FLVCR2: variants seen among roughly 807,000 people sequenced by gnomAD.
FLVCR2 encodes choline/ethanolamine transporter FLVCR2.
In FLVCR2, 38 loss-of-function variants were observed where a neutral mutation model predicts 48.9. The ratio of observed to expected loss-of-function variants is 0.78; its 90% CI spans 0.60 to 1.02. FLVCR2 has a LOEUF of 1.02. Ranked by LOEUF, FLVCR2 falls within the 50% of genes least tolerant of loss-of-function variation. The probability of loss-of-function intolerance (pLI) is 0.00; values close to 1 mark genes in which losing one functional copy is unlikely to be tolerated. For missense variants in FLVCR2, 664 were observed against 663.3 expected (o/e 1.00, Z -0.01); for synonymous variants, 255 against 257.0 (o/e 0.99, Z 0.07).
chr14:75,639,829 G>A (rs916914841), intron 6 of FLVCR2, among the ~76,000 whole-genome samples: 2 of 152,156 alleles, frequency 1.3e-5, no homozygotes, highest in Non-Finnish European at 2.9e-5. Context: ...TAGACCATGG[G>A]CACAGCACTT....
chr14:75,601,003 A>G (rs896237757), intron 1 of FLVCR2, among the ~76,000 whole-genome samples: 3 of 152,212 alleles, frequency 2.0e-5, no homozygotes, highest in Non-Finnish European at 4.4e-5. Flanking sequence ...AAAGACACAC[A>G]CACAGAAATA....
At chr14:75,634,409 G>A (rs541404424) in intron 4 of FLVCR2, among the ~76,000 whole-genome samples, 1 of 152,144 alleles carries the variant, frequency 6.6e-6, no homozygotes, top group African/African-American at 2.4e-5. Context: ...TTATGATGGG[G>A]AATGGCGAGG....
At chr14:75,602,364 C>T (rs1339423664) in intron 1 of FLVCR2, among the ~76,000 whole-genome samples, 1 of 152,182 alleles carries the variant, frequency 6.6e-6, no homozygotes, top group Non-Finnish European at 1.5e-5. Flanking sequence ...TTAGCATAAA[C>T]TCCCTGGAGG....
intron 1 of FLVCR2, among the ~76,000 whole-genome samples, chr14:75,597,382 G>A (rs1889050524): frequency 6.6e-6 from 1 of 152,090 alleles, no homozygotes; most frequent in African/African-American, 2.4e-5. Flanking sequence ...TCCTCGAAAA[G>A]CTCTCACCAA....
At chr14:75,592,900 C>T (rs1888921127) in intron 1 of FLVCR2, among the ~76,000 whole-genome samples, 1 of 152,182 alleles carries the variant, frequency 6.6e-6, no homozygotes, top group Admixed American at 6.5e-5. Flanking sequence ...TTTATAAAGC[C>T]CTAAGGCATG....
intron 3 of FLVCR2, chr14:75,632,541 C>T: frequency 1.5e-6 from 1 of 682,930 alleles, no homozygotes; most frequent in Non-Finnish European, 2.7e-6. Flanking sequence ...CCATACCCAC[C>T]TTCCCTTGCA....
chr14:75,640,251 TC>T (rs1408277776), intron 6 of FLVCR2, among the ~76,000 whole-genome samples: 1 of 109,524 alleles, frequency 9.1e-6, no homozygotes, highest in Non-Finnish European at 1.9e-5. Context: ...AGAGTGAGAC[TC>T]CGTCTCAAAA....
Position 75,579,065 on chromosome 14 carries a change from C to T in FLVCR2, c.93C>T (p.Pro31=). The T allele has an allele frequency of 1.2e-6, 2 of 1,613,976 alleles. No homozygotes were observed. The highest frequency in any genetic ancestry group is 1.7e-6 in the Non-Finnish European group (2 of 1,179,902). The change falls in exon 1 of 10, where the codon CCC becomes CCT. Residue 31 remains proline, a synonymous_variant. Coordinates refer to ENST00000238667, the MANE Select transcript of FLVCR2 (RefSeq NM_017791.3). ...LQADPSVSVH[P]SVSVHPSVSI... ...CGGACCCCAGCGTCTCGGTCCATCC[C>T]AGCGTCTCGGTCCATCCCAGCGTCT...
At chr14:75,625,792 G>A (rs1216787254) in intron 3 of FLVCR2, among the ~76,000 whole-genome samples, 1 of 151,972 alleles carries the variant, frequency 6.6e-6, no homozygotes, top group East Asian at 1.9e-4. Context: ...TGCTTACTAT[G>A]TGTCAGGTGC....
At chr14:75,585,040 G>T (rs548316264) in intron 1 of FLVCR2, among the ~76,000 whole-genome samples, 12 of 152,258 alleles carry the variant, frequency 7.9e-5, no homozygotes, top group African/African-American at 1.4e-4. Flanking sequence ...ATTATAGGGT[G>T]GGGGAGCAGA....
intron 4 of FLVCR2, among the ~76,000 whole-genome samples, chr14:75,634,424 A>G (rs1475782769): frequency 6.6e-6 from 1 of 152,174 alleles, no homozygotes; most frequent in African/African-American, 2.4e-5. Context: ...GCGAGGAGTA[A>G]ATGAGATAAT....
intron 1 of FLVCR2, among the ~76,000 whole-genome samples, chr14:75,609,327 C>T (rs1889377013): frequency 6.6e-6 from 1 of 152,146 alleles, no homozygotes; most frequent in African/African-American, 2.4e-5. Flanking sequence ...GGGCGGGTGA[C>T]TTCAAAGCAG....
intron 3 of FLVCR2, among the ~76,000 whole-genome samples, chr14:75,626,310 G>A (rs1162824055): frequency 2.0e-5 from 3 of 151,416 alleles, no homozygotes; most frequent in African/African-American, 4.9e-5. Flanking sequence ...CATTCTTAAT[G>A]CCTGTTCTGT....
In FLVCR2 at chr14:75,596,829, T is replaced by C. The variant is rs4267238; in HGVS notation, c.669+17188T>C. On this transcript the variant is annotated intron_variant, in intron 1 of 9. Coordinates refer to ENST00000238667, the MANE Select transcript of FLVCR2 (RefSeq NM_017791.3). ...CCCTGGTAACCTTTATTCTACTTTC[T>C]GTCCCTATGAATTTGCCTATTCTAG... Among the ~76,000 whole-genome samples, 1,231 of 135,688 alleles carry C rather than the reference T, an allele frequency of 9.1e-3. 56 individuals are homozygous for C. Among genetic ancestry groups the C allele is most frequent in the Admixed American group, 0.075 (959 of 12,836 alleles). 89.0% of individuals were successfully genotyped at this position (135,688 alleles called of 152,430 possible).
At chr14:75,640,258 C>CCA (rs1890277844) in intron 6 of FLVCR2, among the ~76,000 whole-genome samples, 1 of 97,638 alleles carries the variant, frequency 1.0e-5, no homozygotes, top group Non-Finnish European at 1.9e-5. Flanking sequence ...GACTCCGTCT[C>CCA]AAAAAAAAAA....
intron 1 of FLVCR2, among the ~76,000 whole-genome samples, chr14:75,599,326 A>AC (rs397966103): frequency 0.17 from 24,780 of 147,740 alleles, 2,495 homozygotes; most frequent in East Asian, 0.57. Context: ...AATGTACAAC[A>AC]CCCCCCCCCA....
At chr14:75,582,040 A>C (rs960683054) in intron 1 of FLVCR2, among the ~76,000 whole-genome samples, 2 of 152,162 alleles carry the variant, frequency 1.3e-5, no homozygotes, top group Non-Finnish European at 2.9e-5. Context: ...GGTGGGAGTG[A>C]CCGATGAGAA....
At position 75,647,907 on chromosome 14, in the gene FLVCR2, A is replaced by T. The variant is rs1001850962; in HGVS notation, c.*1435A>T. 6.5e-6 allele frequency: 1 copy of T among 152,806 alleles called. No homozygotes were observed. Among genetic ancestry groups the T allele is most frequent in the African/African-American group, 2.4e-5 (1 of 41,444 alleles). 9.5% of individuals were successfully genotyped at this position (152,806 alleles called of 1,614,324 possible). A position where few individuals can be genotyped will look rare whatever the true frequency, so the allele number is the denominator to read the frequency against. On this transcript the variant is annotated 3_prime_UTR_variant, in exon 10 of 10. Coordinates refer to ENST00000238667, the MANE Select transcript of FLVCR2 (RefSeq NM_017791.3). The stretch of plus-strand genomic sequence containing the variant: ...CATGTGTGTGTGTGTGTGTTTGTAC[A>T]GATTCAAGCAATGGATGCAAGGAAC...
intron 1 of FLVCR2, among the ~76,000 whole-genome samples, chr14:75,602,182 C>T (rs575590315): frequency 6.6e-6 from 1 of 152,352 alleles, no homozygotes; most frequent in Non-Finnish European, 1.5e-5. Flanking sequence ...CTCTCTGAAA[C>T]TCAACTGTTC....
Sources: gnomAD v4.1 joint callset for allele counts (sites outside exome capture counted in the v4.1 genomes callset) on GRCh38, gnomAD v4.1.1 for gene constraint, MANE v1.5 for transcripts, NCBI Gene and HGNC (gene_info 2026-07-23, HGNC 2026-07-21) for gene names.